CHRM5: variants seen among roughly 807,000 people sequenced by gnomAD.
The protein encoded by CHRM5 is muscarinic acetylcholine receptor M5.
Under a neutral mutation model 39.0 loss-of-function variants are expected in CHRM5, and 18 were observed. The observed-to-expected ratio is 0.46, with a 90% confidence interval of 0.32 to 0.68. The LOEUF is 0.68. CHRM5 is among the 30% of genes least tolerant of loss of function. The pLI, the probability that CHRM5 is intolerant of heterozygous loss-of-function variation, is 0.04. For missense variants in CHRM5, 515 were observed against 651.1 expected, an observed-to-expected ratio of 0.79 and a Z score of 2.28; for synonymous variants, 241 against 246.3, an observed-to-expected ratio of 0.98 and a Z score of 0.20.
At chr15:33,973,599 T>C (rs768989547) in intron 1 of CHRM5, among the ~76,000 whole-genome samples, 19 of 152,140 alleles carry the variant, frequency 1.2e-4, no homozygotes, top group Non-Finnish European at 2.4e-4. Flanking sequence ...CCCAGCACTC[T>C]GGGAGGCCAA....
intron 1 of CHRM5, chr15:34,039,153 C>G (rs1440425001): frequency 2.1e-6 from 2 of 950,020 alleles, no homozygotes; most frequent in Non-Finnish European, 2.5e-6. Flanking sequence ...GAAAGGCGCC[C>G]GGTAGCAGCG....
chr15:33,997,288 T>G (rs898168736), intron 1 of CHRM5, among the ~76,000 whole-genome samples: 1 of 152,222 alleles, frequency 6.6e-6, no homozygotes, highest in East Asian at 1.9e-4. Context: ...TATCAAAAGA[T>G]AAGTATCAAG....
intron 1 of CHRM5, among the ~76,000 whole-genome samples, chr15:34,042,399 T>G (rs994906932): frequency 9.4e-4 from 139 of 148,346 alleles, no homozygotes; most frequent in African/African-American, 3.3e-3. Flanking sequence ...GACCTAAGTT[T>G]TTTTTTTTTT....
chr15:34,062,506 G>T (rs999792105), intron 2 of CHRM5, 137 bp from the exon 3 acceptor site: 1 of 494,940 alleles, frequency 2.0e-6, no homozygotes, highest in Non-Finnish European at 3.4e-6. Context: ...AGAGAGCTGA[G>T]ATCGCACCAC....
chr15:33,986,208 G>A (rs1473268810), intron 1 of CHRM5, among the ~76,000 whole-genome samples: 1 of 151,804 alleles, frequency 6.6e-6, no homozygotes, highest in Non-Finnish European at 1.5e-5. Flanking sequence ...CCGGGTTCAC[G>A]CCATTCTCCT....
At chr15:33,975,917 G>A (rs1895864643) in intron 1 of CHRM5, among the ~76,000 whole-genome samples, 1 of 152,092 alleles carries the variant, frequency 6.6e-6, no homozygotes, top group South Asian at 2.1e-4. Context: ...GTGACAGAGT[G>A]ACTATGTCTC....
In CHRM5 at chr15:34,063,673, C is replaced by T; in HGVS notation, c.956C>T (p.Pro319Leu). Reference sequence around the variant, plus strand: ...GATGAGGACAAGCCCGCCACTGACCCTGTCCTCCAAGTGGTCTACAAGAGT... The same window carrying T: ...GATGAGGACAAGCCCGCCACTGACCTTGTCCTCCAAGTGGTCTACAAGAGT... ...SEDEDKPATD[P>L]VLQVVYKSQG... Residue 319 changes from proline (P) to leucine (L), a missense_variant, in exon 3 of 3, where the codon CCT becomes CTT. Pro to Leu is a moderately conservative substitution (Grantham distance 98, BLOSUM62 -3). Coordinates refer to ENST00000383263, the MANE Select transcript of CHRM5 (RefSeq NM_012125.4). The surrounding 1 kb of genome is among the most constrained non-coding windows in gnomAD (Gnocchi z 4.1). The T allele has an allele frequency of 1.2e-6, 2 of 1,614,210 alleles. No homozygotes were observed. Among genetic ancestry groups the T allele is most frequent in the Non-Finnish European group, 1.7e-6 (2 of 1,180,044 alleles).
At chr15:34,038,732 T>A in intron 1 of CHRM5, 14 of 1,131,778 alleles carry the variant, frequency 1.2e-5, no homozygotes, top group African/African-American at 1.7e-5. Context: ...TCGGCCCCAC[T>A]TGCCCCAGTT....
At chr15:34,039,193 G>A in intron 1 of CHRM5, 1 of 652,836 alleles carries the variant, frequency 1.5e-6, no homozygotes, top group Non-Finnish European at 1.9e-6. Context: ...AGGGATCGAG[G>A]CCGGCCGCAG....
chr15:34,020,139 G>A (rs567264011), intron 1 of CHRM5, among the ~76,000 whole-genome samples: 7 of 152,066 alleles, frequency 4.6e-5, no homozygotes, highest in South Asian at 2.1e-4. Context: ...GTGAAACCCC[G>A]TCTCTACTAA....
At chr15:33,996,582 C>A (rs916659015) in intron 1 of CHRM5, among the ~76,000 whole-genome samples, 18 of 152,330 alleles carry the variant, frequency 1.2e-4, no homozygotes, top group African/African-American at 3.8e-4. Context: ...GTGGACCTCC[C>A]ACAAACTCCA....
At chr15:33,979,513 T>C (rs1026914083) in intron 1 of CHRM5, among the ~76,000 whole-genome samples, 18 of 152,200 alleles carry the variant, frequency 1.2e-4, no homozygotes, top group Non-Finnish European at 1.3e-4. Context: ...AAAACTGCAC[T>C]ATTTATGAAC....
At chr15:34,038,807 TC>T in intron 1 of CHRM5, 1 of 1,192,292 alleles carries the variant, frequency 8.4e-7, no homozygotes, top group Non-Finnish European at 1.0e-6. Flanking sequence ...CGCCCCAGCC[TC>T]CCGGCTCCCG....
chr15:34,017,038 G>C (rs1430815154), intron 1 of CHRM5, among the ~76,000 whole-genome samples: 1 of 152,042 alleles, frequency 6.6e-6, no homozygotes, highest in Non-Finnish European at 1.5e-5. Flanking sequence ...GGCTGAGGTG[G>C]GAGGATCACC....
chr15:34,041,531 G>C (rs1033432448), intron 1 of CHRM5, among the ~76,000 whole-genome samples: 9 of 152,202 alleles, frequency 5.9e-5, no homozygotes, highest in African/African-American at 2.2e-4. Flanking sequence ...GAAAAGATCA[G>C]TGGCTTGCAG....
At chr15:34,060,746 T>C (rs1286337795) in intron 2 of CHRM5, among the ~76,000 whole-genome samples, 1 of 152,162 alleles carries the variant, frequency 6.6e-6, no homozygotes. Context: ...GCTTGGTGGC[T>C]GTAATCCCAG....
At chr15:34,050,079 G>A (rs1035172045) in intron 2 of CHRM5, among the ~76,000 whole-genome samples, 4 of 151,696 alleles carry the variant, frequency 2.6e-5, no homozygotes, top group Non-Finnish European at 4.4e-5. Flanking sequence ...GTAGAGATGG[G>A]GTTTCACCTT....
intron 1 of CHRM5, chr15:33,972,172 T>C (rs149113578): frequency 6.6e-6 from 1 of 152,200 alleles, no homozygotes; most frequent in Non-Finnish European, 1.5e-5. Flanking sequence ...GTAAACATCA[T>C]GTTGGTTAAA....
At chr15:34,043,105 G>C (rs1567485716) in intron 1 of CHRM5, among the ~76,000 whole-genome samples, 1 of 152,054 alleles carries the variant, frequency 6.6e-6, no homozygotes. Flanking sequence ...AAATTAGCCA[G>C]GCATGGTGAC....
Sources: allele counts gnomAD v4.1 joint callset (sites outside exome capture counted in the v4.1 genomes callset), GRCh38; gene constraint gnomAD v4.1.1; non-coding constraint Gnocchi (gnomAD v3.1); transcripts MANE v1.5; gene names NCBI Gene and HGNC (gene_info 2026-07-23, HGNC 2026-07-21).